Variants in RBM28 observed in about 807,000 individuals in gnomAD.
RBM28 encodes the protein RNA binding motif protein 28.
In RBM28, 78 loss-of-function variants were observed where a neutral mutation model predicts 98.3. That is an observed-to-expected ratio of 0.79 (90% CI 0.66 to 0.96). RBM28 has a LOEUF of 0.96. RBM28 is among the 40% of genes least tolerant of loss of function. The pLI is 0.00. For synonymous variants in RBM28, 306 were observed against 330.9 expected, an observed-to-expected ratio of 0.92 and a Z score of 0.82; for missense variants, 838 against 913.0, an observed-to-expected ratio of 0.92 and a Z score of 1.06.
intron 13 of RBM28, among the ~76,000 whole-genome samples, chr7:128,323,294 G>A (rs1252613618): frequency 6.6e-6 from 1 of 152,140 alleles, no homozygotes; most frequent in African/African-American, 2.4e-5. Context: ...AAGCACTAGG[G>A]AAACAAATAA....
At position 128,304,234 on chromosome 7, in the gene RBM28, T is replaced by G. The variant is rs1795820517; in HGVS notation, c.*6563A>C. 6.6e-6 allele frequency: 1 copy of G among 152,236 alleles called. No individual in the cohort carries two copies. The highest frequency in any genetic ancestry group is 6.5e-5 in the Admixed American group (1 of 15,284). 9.4% of individuals were successfully genotyped at this position (152,236 alleles called of 1,614,324 possible). ...AATTCTAGAAAAGTTTTTTACAGAA[T>G]GCTTTTGTTGATTTTTGCTGACTCT... On this transcript the variant is annotated 3_prime_UTR_variant, in exon 19 of 19. Transcript: ENST00000223073.
chr7:128,312,022 A>C (rs1262188763), intron 18 of RBM28, among the ~76,000 whole-genome samples: 1 of 152,200 alleles, frequency 6.6e-6, no homozygotes, highest in Non-Finnish European at 1.5e-5. Flanking sequence ...CCTCAAATCT[A>C]CTGATCAATC....
Position 128,343,828 on chromosome 7 carries a change from G to C in RBM28, c.-35C>G. 1 of 1,488,208 alleles carries C rather than the reference G, an allele frequency of 6.7e-7. No individual in the cohort carries two copies. Among genetic ancestry groups the C allele is most frequent in the Non-Finnish European group, 9.1e-7 (1 of 1,094,386 alleles). The allele number at this position is 1,488,208 out of a possible 1,614,324, so 92.2% of individuals were successfully genotyped here. On this transcript the variant is annotated 5_prime_UTR_variant, in exon 1 of 19. Coordinates refer to ENST00000223073, the MANE Select transcript of RBM28 (RefSeq NM_018077.3). ...AAACCCAAAGCGCGTGAGGACGCGAGCAAACTAGGCCGGCGCACGCGAGCC... is the reference window on the plus strand; with the variant it reads ...AAACCCAAAGCGCGTGAGGACGCGACCAAACTAGGCCGGCGCACGCGAGCC...
At chr7:128,317,754 G>A in intron 15 of RBM28, 21 bp from the exon 16 acceptor site, 2 of 1,554,772 alleles carry the variant, frequency 1.3e-6, no homozygotes, top group Non-Finnish European at 8.9e-7. Context: ...GAGACAGAAT[G>A]CCATTCATTA....
At chr7:128,319,775 T>C (rs1335736494) in intron 14 of RBM28, among the ~76,000 whole-genome samples, 2 of 152,128 alleles carry the variant, frequency 1.3e-5, no homozygotes, top group Non-Finnish European at 2.9e-5. Flanking sequence ...GTAACCAGTA[T>C]GACAGAGATA....
rs922696301 is a variant in RBM28, at chr7:128,306,660, A to G, written c.*4137T>C. 1 of 152,242 alleles carries G rather than the reference A, an allele frequency of 6.6e-6. No individual in the cohort carries two copies. The highest frequency in any genetic ancestry group is 1.5e-5 in the Non-Finnish European group (1 of 68,054). 9.4% of individuals were successfully genotyped at this position (152,242 alleles called of 1,614,324 possible). On this transcript the variant is annotated 3_prime_UTR_variant, in exon 19 of 19. Coordinates refer to ENST00000223073, the MANE Select transcript of RBM28 (RefSeq NM_018077.3). ...CAGTGGGCTCTGGGCAGCATGGACA[A>G]GTTTAAGAAACACTGGATTTGCCAT...
chr7:128,314,012 G>A (rs1337616864), intron 17 of RBM28, among the ~76,000 whole-genome samples: 1 of 151,878 alleles, frequency 6.6e-6, no homozygotes, highest in Non-Finnish European at 1.5e-5. Flanking sequence ...GCCCAGGCCA[G>A]AGTGCAGTGG....
chr7:128,339,786 T>TA lies in RBM28; in HGVS notation c.123dup (p.Lys42Ter). On this transcript the variant is annotated frameshift_variant, in exon 2 of 19. Transcript: ENST00000223073. LOFTEE classifies it high-confidence loss of function. ...ACATAGCCAAAGCCTCGACATGCCT[T>TA]ACTCCCTGGAATAATGGAGTGGGGA... 1 of 1,613,972 alleles carries TA rather than the reference T, an allele frequency of 6.2e-7. No homozygotes were observed. Among genetic ancestry groups the TA allele is most frequent in the Non-Finnish European group, 8.5e-7 (1 of 1,179,860 alleles).
At chr7:128,311,076 G>A in intron 18 of RBM28, 145 bp from the exon 19 acceptor site, 1 of 812,518 alleles carries the variant, frequency 1.2e-6, no homozygotes, top group Non-Finnish European at 2.0e-6. Context: ...GAGACTCTTA[G>A]AGAGAAAGGC....
intron 10 of RBM28, among the ~76,000 whole-genome samples, chr7:128,326,653 C>A (rs1796359141): frequency 6.6e-6 from 1 of 152,040 alleles, no homozygotes; most frequent in South Asian, 2.1e-4. Flanking sequence ...GACAAAATCA[C>A]CAAATAATGA....
rs897766458 is a variant in RBM28 at position 128,300,429 on chromosome 7, T to C, written c.*10368A>G. 2 of 152,290 alleles carry C rather than the reference T, an allele frequency of 1.3e-5. No homozygotes were observed. The highest frequency in any genetic ancestry group is 6.5e-5 in the Admixed American group (1 of 15,284). The allele number at this position is 152,290 out of a possible 1,614,324, so 9.4% of individuals were successfully genotyped here. On this transcript the variant is annotated 3_prime_UTR_variant, in exon 19 of 19. Coordinates refer to ENST00000223073, the MANE Select transcript of RBM28 (RefSeq NM_018077.3). ...TGAGCTCACTCTGCTCAGGACCCTC[T>C]GCAGCTCCTGGGGGAACACTGGCAC...
rs1795760467 is a variant in RBM28 at position 128,300,069 on chromosome 7, A to T, written c.*10728T>A. ...TTGTTTAAGCCACCCAGCCTGTGGT[A>T]CTCTCTTACAGTAGCCCTCCTGACT... is the stretch of plus-strand genomic sequence containing the variant. On this transcript the variant is annotated 3_prime_UTR_variant, in exon 19 of 19. Coordinates refer to ENST00000223073, the MANE Select transcript of RBM28 (RefSeq NM_018077.3). 2.0e-5 allele frequency: 3 copies of T among 152,218 alleles called. No homozygotes were observed. The highest frequency in any genetic ancestry group is 4.4e-5 in the Non-Finnish European group (3 of 68,060). The allele number at this position is 152,218 out of a possible 1,614,324, so 9.4% of individuals were successfully genotyped here.
rs1009977738 is a variant in RBM28 at position 128,305,207 on chromosome 7, C to T, written c.*5590G>A. 6.6e-6 allele frequency: 1 copy of T among 151,488 alleles called. No homozygotes were observed. Among genetic ancestry groups the T allele is most frequent in the Non-Finnish European group, 1.5e-5 (1 of 67,928 alleles). 9.4% of individuals were successfully genotyped at this position (151,488 alleles called of 1,614,324 possible). On this transcript the variant is annotated 3_prime_UTR_variant, in exon 19 of 19. Transcript: ENST00000223073. ...AAGTTCTGCATCAATCCTGTTGTCT[C>T]ACTGTAAATAGCATAAGAACAATGT...
intron 13 of RBM28, among the ~76,000 whole-genome samples, chr7:128,321,979 C>T (rs7804286): frequency 0.029 from 4,371 of 150,726 alleles, 190 homozygotes; most frequent in African/African-American, 0.1. Context: ...ACCTGGGAGC[C>T]GGAGGTTGTG....
chr7:128,320,885 G>C (rs981185540), intron 14 of RBM28, among the ~76,000 whole-genome samples: 1 of 152,216 alleles, frequency 6.6e-6, no homozygotes, highest in African/African-American at 2.4e-5. Context: ...TCTGTTGATG[G>C]CCCGGCACAG....
Position 128,323,260 on chromosome 7 carries a change from T to A in RBM28, c.1404+267A>T, listed in dbSNP as rs190836156. On this transcript the variant is annotated intron_variant, in intron 13 of 18. Transcript: ENST00000223073. The stretch of plus-strand genomic sequence containing the variant: ...CTGTCTACTGCATGATGTAGCAGCA[T>A]GTGTTCAGCAAACATTTACTGCCAA... 3.6e-3 allele frequency among the ~76,000 whole-genome samples: 547 copies of A among 152,346 alleles called. 2 individuals are homozygous for A. The highest frequency in any genetic ancestry group is 0.024 in the Middle Eastern group (7 of 294).
Position 128,308,193 on chromosome 7 carries a change from T to A in RBM28, c.*2604A>T, listed in dbSNP as rs766173490. On this transcript the variant is annotated 3_prime_UTR_variant, in exon 19 of 19. Coordinates refer to ENST00000223073, the MANE Select transcript of RBM28 (RefSeq NM_018077.3). ...ATTCAACCTCATATAAAGAACTCTT[T>A]AAAGAACTGTACAACAGCTCTCCAA... 13 of 152,224 alleles carry A rather than the reference T, an allele frequency of 8.5e-5. No individual in the cohort carries two copies. The highest frequency in any genetic ancestry group is 1.4e-4 in the African/African-American group (6 of 41,460). 9.4% of individuals were successfully genotyped at this position (152,224 alleles called of 1,614,324 possible).
At position 128,324,678 on chromosome 7, in the gene RBM28, A is replaced by G. The variant is rs1796308423; in HGVS notation, c.1220T>C (p.Leu407Pro). Residue 407 changes from leucine (L) to proline (P), a missense_variant, in exon 12 of 19, where the codon CTG becomes CCG. Leu to Pro is a moderately conservative substitution (Grantham distance 98). Transcript: ENST00000223073. ...SPENEAGGLK[L>P]DGRQLKVDLA... ...GTCAACCTTGAGCTGCCGGCCATCC[A>G]GTTTAAGCCCACCAGCCTGTAACAG... 6.2e-7 allele frequency: 1 copy of G among 1,614,162 alleles called. No individual in the cohort carries two copies.
Position 128,303,731 on chromosome 7 carries a change from A to G in RBM28, c.*7066T>C, listed in dbSNP as rs1012126502. Reference sequence around the variant, plus strand: ...TGAACAATGTATTTTCCACGTCAAGATGCCTGAACTTCCCATAACAGCTGT... The same window carrying G: ...TGAACAATGTATTTTCCACGTCAAGGTGCCTGAACTTCCCATAACAGCTGT... On this transcript the variant is annotated 3_prime_UTR_variant, in exon 19 of 19. Coordinates refer to ENST00000223073, the MANE Select transcript of RBM28 (RefSeq NM_018077.3). 6.6e-6 allele frequency: 1 copy of G among 152,206 alleles called. No homozygotes were observed. Among genetic ancestry groups the G allele is most frequent in the Non-Finnish European group, 1.5e-5 (1 of 68,044 alleles). 9.4% of individuals were successfully genotyped at this position (152,206 alleles called of 1,614,324 possible).
Sources: allele counts gnomAD v4.1 joint callset (sites outside exome capture counted in the v4.1 genomes callset), GRCh38; gene constraint gnomAD v4.1.1; transcripts MANE v1.5; gene names NCBI Gene and HGNC (gene_info 2026-07-23, HGNC 2026-07-21).